The following CERS1 variants were observed in gnomAD, a reference collection of about 807,000 sequenced individuals.
CERS1 encodes the protein Embryonic growth/differentiation factor 1.
CERS1 carries 16 observed loss-of-function variants against 35.7 expected under a neutral mutation model. The observed-to-expected ratio is 0.45, with a 90% confidence interval of 0.30 to 0.68. CERS1 has a LOEUF of 0.68. CERS1 is among the 30% of genes least tolerant of loss of function. CERS1 has a pLI of 0.08. For synonymous variants in CERS1, 243 were observed against 201.6 expected (o/e 1.21, Z -1.74); for missense variants, 454 against 453.9 (o/e 1.00, Z 0.00).
chr19:18,874,745 G>A (rs1032413074), intron 6 of CERS1, among the ~76,000 whole-genome samples: 4 of 152,216 alleles, frequency 2.6e-5, no homozygotes, highest in Non-Finnish European at 5.9e-5. Context: ...TGAGGGCCAT[G>A]AGGAGGACAG....
chr19:18,872,161 G>C (rs558797117), intron 6 of CERS1, among the ~76,000 whole-genome samples: 2 of 152,296 alleles, frequency 1.3e-5, no homozygotes, highest in South Asian at 2.1e-4. Context: ...TAGCATCCTC[G>C]GTGATGGGTG....
intron 6 of CERS1, among the ~76,000 whole-genome samples, chr19:18,876,676 C>T (rs1017235883): frequency 2.0e-5 from 3 of 152,088 alleles, no homozygotes; most frequent in Non-Finnish European, 2.9e-5. Flanking sequence ...TGAGCCACCA[C>T]GCCTGGCCAA....
rs947598714 is a variant in CERS1 at position 18,870,326 on chromosome 19, C to G, written c.*251G>C. 6.5e-7 allele frequency: 1 copy of G among 1,544,656 alleles called. No homozygotes were observed. Among genetic ancestry groups the G allele is most frequent in the African/African-American group, 1.4e-5 (1 of 72,846 alleles). On this transcript the variant is annotated 3_prime_UTR_variant, in exon 7 of 8. Transcript: ENST00000623882. This position sits in a 1 kb window ranked among gnomAD's most constrained non-coding sequence, Gnocchi z 5.1. The stretch of plus-strand genomic sequence containing the variant: ...GTGGCATCTTCCTCCCAGGCGATGA[C>G]CAGAGAGTGCGCAGGGTCCGCGGCG...
chr19:18,870,393 A>G lies in CERS1; in HGVS notation c.*184T>C, dbSNP rs1413177105. On this transcript the variant is annotated 3_prime_UTR_variant, in exon 7 of 8. Coordinates refer to ENST00000623882, the MANE Select transcript of CERS1 (RefSeq NM_021267.5). The surrounding 1 kb of genome is among the most constrained non-coding windows in gnomAD (Gnocchi z 5.1). The stretch of plus-strand genomic sequence containing the variant: ...CTGAGGGCGGGGCCGGTGTCCCCGG[A>G]GGGGCAGGGGTCCTGGGGGGCGTGG... 35 of 1,268,454 alleles carry G rather than the reference A, an allele frequency of 2.8e-5. No homozygotes were observed. The highest frequency in any genetic ancestry group is 3.4e-5 in the Non-Finnish European group (33 of 960,376). The allele number at this position is 1,268,454 out of a possible 1,614,324, so 78.6% of individuals were successfully genotyped here. A position where few individuals can be genotyped will look rare whatever the true frequency, so the allele number is the denominator to read the frequency against.
intron 4 of CERS1, among the ~76,000 whole-genome samples, chr19:18,880,058 A>C: frequency 2.1e-5 from 3 of 140,190 alleles, no homozygotes; most frequent in Admixed American, 1.4e-4. Context: ...GCCCAGCCCC[A>C]CTCCTAGCTC....
rs376300384 is a variant in CERS1 at position 18,880,385 on chromosome 19, A to G, written c.641T>C (p.Val214Ala). ...LVLFLHDISD[V>A]QLEFTKLNIY... is the part of the protein sequence containing the mutation. ...GTTGAGCTTGGTGAACTCAAGCTGC[A>G]CGTCACTGATATCGTGCAGGAAGAG... Residue 214 changes from valine to alanine, a missense_variant, in exon 4 of 8, where the codon GTG becomes GCG. Transcript: ENST00000623882. The G allele has an allele frequency of 1.9e-6, 3 of 1,582,672 alleles. No individual in the cohort carries two copies. The highest frequency in any genetic ancestry group is 2.6e-6 in the Non-Finnish European group (3 of 1,164,464).
At chr19:18,869,848 G>A (rs2145988487) in intron 7 of CERS1, 135 bp downstream of exon 7, 1 of 815,292 alleles carries the variant, frequency 1.2e-6, no homozygotes, top group Non-Finnish European at 2.0e-6. Context: ...AGGTGCGGTG[G>A]CCGAAGTTGC....
Position 18,896,055 on chromosome 19 carries a change from G to C in CERS1, c.18C>G (p.Pro6=), listed in dbSNP as rs1008352652. ...GCTCGGGCCCCGTCGGCCCCGCCGC[G>C]GGCCCCGCCGCCGCCATACCGCCCG... MAAAG[P]AAGPTGPEPM... Residue 6 remains proline (P), a synonymous_variant, in exon 1 of 8, where the codon CCC becomes CCG. Coordinates refer to ENST00000623882, the MANE Select transcript of CERS1 (RefSeq NM_021267.5). This position sits in a 1 kb window ranked among gnomAD's most constrained non-coding sequence, Gnocchi z 5.9. 3.5e-5 allele frequency: 34 copies of C among 983,258 alleles called. No individual in the cohort carries two copies. Among genetic ancestry groups the C allele is most frequent in the Middle Eastern group, 5.1e-4 (1 of 1,948 alleles). 60.9% of individuals were successfully genotyped at this position (983,258 alleles called of 1,614,324 possible).
chr19:18,869,448 T>C, intron 7 of CERS1, 58 bp from the exon 8 acceptor site: 1 of 1,506,746 alleles, frequency 6.6e-7, no homozygotes, highest in Non-Finnish European at 8.8e-7. Flanking sequence ...GCCCATGGGG[T>C]CTCGGTTAGG....
chr19:18,879,559 C>T (rs1468201288), intron 4 of CERS1, among the ~76,000 whole-genome samples, 171 bp from the exon 5 acceptor site: 1 of 151,266 alleles, frequency 6.6e-6, no homozygotes, highest in Admixed American at 6.6e-5. Flanking sequence ...ATGCCCCGCC[C>T]ACCTCGCCAA....
intron 2 of CERS1, among the ~76,000 whole-genome samples, chr19:18,889,017 G>A (rs974647407): frequency 1.1e-4 from 17 of 149,892 alleles, no homozygotes; most frequent in African/African-American, 1.7e-4. Context: ...TCAGCCTGCC[G>A]AGTAACTGGG....
intron 3 of CERS1, chr19:18,883,070 T>C (rs2056255147): frequency 6.6e-6 from 1 of 152,194 alleles, no homozygotes; most frequent in South Asian, 2.1e-4. Flanking sequence ...GCAATCCTCC[T>C]GACTCAGCCT....
intron 6 of CERS1, among the ~76,000 whole-genome samples, chr19:18,875,542 C>CAAAAAAA (rs886609723): frequency 1.0e-5 from 1 of 97,374 alleles, no homozygotes; most frequent in African/African-American, 3.7e-5. Context: ...GACACTGTCT[C>CAAAAAAA]AAAAAAAAAA....
intron 7 of CERS1, 65 bp from the exon 8 acceptor site, chr19:18,869,455 T>A: frequency 2.7e-6 from 4 of 1,501,928 alleles, no homozygotes. Flanking sequence ...GGGTCTCGGT[T>A]AGGGACAGGG....
At chr19:18,876,550 G>GTA (rs1354891397) in intron 6 of CERS1, among the ~76,000 whole-genome samples, 1 of 151,246 alleles carries the variant, frequency 6.6e-6, no homozygotes, top group African/African-American at 2.4e-5. Flanking sequence ...GTGTGTGTGT[G>GTA]TGTGTGTGTG....
intron 6 of CERS1, among the ~76,000 whole-genome samples, chr19:18,871,829 G>A (rs1015168380): frequency 3.3e-5 from 5 of 152,170 alleles, no homozygotes; most frequent in East Asian, 3.9e-4. Flanking sequence ...CCTTGAGACC[G>A]TGAGTGGCGT....
At chr19:18,876,331 A>G (rs1292730633) in intron 6 of CERS1, among the ~76,000 whole-genome samples, 1 of 151,454 alleles carries the variant, frequency 6.6e-6, no homozygotes, top group East Asian at 1.9e-4. Flanking sequence ...TTTAAAATAA[A>G]CTTTTTTGTT....
intron 1 of CERS1, among the ~76,000 whole-genome samples, chr19:18,894,744 G>T (rs1339859724): frequency 2.0e-5 from 3 of 152,176 alleles, no homozygotes; most frequent in African/African-American, 7.2e-5. Flanking sequence ...TCTCCCTCAT[G>T]TGGGTGATAT....
chr19:18,882,501 A>G (rs1459992332), intron 3 of CERS1, among the ~76,000 whole-genome samples: 1 of 151,254 alleles, frequency 6.6e-6, no homozygotes, highest in East Asian at 2.0e-4. Flanking sequence ...GTGTGATGTC[A>G]TACCCCTGTA....
Sources: allele counts gnomAD v4.1 joint callset (sites outside exome capture counted in the v4.1 genomes callset), GRCh38; gene constraint gnomAD v4.1.1; non-coding constraint Gnocchi (gnomAD v3.1); transcripts MANE v1.5; gene names NCBI Gene and HGNC (gene_info 2026-07-23, HGNC 2026-07-21).